EXOC1: variants seen among roughly 807,000 people sequenced by gnomAD.
EXOC1 encodes exocyst complex component 1.
A neutral mutation model predicts 107.7 loss-of-function variants in EXOC1; 67 were observed. The ratio of observed to expected loss-of-function variants is 0.62; its 90% CI spans 0.51 to 0.76. EXOC1 has a LOEUF of 0.76. Ranked by LOEUF, EXOC1 falls within the 30% of genes least tolerant of loss-of-function variation. EXOC1 has a pLI of 0.00. For missense variants in EXOC1, 833 were observed against 1,055.7 expected (o/e 0.79, Z 2.92); for synonymous variants, 348 against 353.5 (o/e 0.98, Z 0.17).
intron 10 of EXOC1, 153 bp from the exon 11 acceptor site, chr4:55,888,735 A>T: frequency 3.0e-6 from 2 of 674,820 alleles, no homozygotes; most frequent in Non-Finnish European, 5.1e-6. Context: ...GACCAACTAA[A>T]CATGTGTTTG....
chr4:55,902,259 A>T (rs1726037684), intron 17 of EXOC1, 85 bp from the exon 18 acceptor site: 2 of 1,079,384 alleles, frequency 1.9e-6, no homozygotes, highest in Admixed American at 4.0e-5. Flanking sequence ...CATGGTGATT[A>T]TACACTACTT....
At chr4:55,884,104 T>A (rs772088550) in intron 10 of EXOC1, among the ~76,000 whole-genome samples, 176 bp downstream of exon 10, 6 of 152,234 alleles carry the variant, frequency 3.9e-5, no homozygotes, top group Non-Finnish European at 8.8e-5. Flanking sequence ...TGTATATCTG[T>A]AAATTTTCTT....
At chr4:55,875,831 G>A in intron 8 of EXOC1, 1 of 973,106 alleles carries the variant, frequency 1.0e-6, no homozygotes, top group Non-Finnish European at 1.2e-6. Context: ...TTGGGAGGCT[G>A]AAGTGGGCCA....
intron 2 of EXOC1, 49 bp from the exon 3 acceptor site, chr4:55,860,362 G>T (rs567980652): frequency 3.1e-5 from 49 of 1,604,338 alleles, no homozygotes; most frequent in Admixed American, 8.4e-5. Flanking sequence ...AATGAAGAAT[G>T]AGTGAAAGGG....
chr4:55,893,721 C>T lies in EXOC1; in HGVS notation c.1894C>T (p.Leu632=), dbSNP rs1285391266. 2 of 1,613,982 alleles carry T rather than the reference C, an allele frequency of 1.2e-6. No individual in the cohort carries two copies. The highest frequency in any genetic ancestry group is 1.3e-5 in the African/African-American group (1 of 74,894). ...TAQNVDPASF[L]STTLGNVLVT... ...ACAAAATGTGGACCCTGCTTCTTTC[C>T]TAAGTACTACATTGGGAAATGTTTT... is the stretch of plus-strand genomic sequence containing the variant. The change falls in exon 15 of 19, where the codon CTA becomes TTA. Residue 632 remains leucine (L), a synonymous_variant. Coordinates refer to ENST00000381295, the MANE Select transcript of EXOC1 (RefSeq NM_001024924.2).
At chr4:55,880,920 A>G (rs543082780) in intron 9 of EXOC1, among the ~76,000 whole-genome samples, 1 of 152,312 alleles carries the variant, frequency 6.6e-6, no homozygotes, top group African/African-American at 2.4e-5. Flanking sequence ...AAGAGTTGTC[A>G]AAAACAGGAA....
chr4:55,884,036 T>C (rs570970523), intron 10 of EXOC1, 108 bp downstream of exon 10: 2 of 779,070 alleles, frequency 2.6e-6, no homozygotes, highest in African/African-American at 1.8e-5. Flanking sequence ...CAGCAGAATT[T>C]ATGAAAAAAG....
intron 9 of EXOC1, among the ~76,000 whole-genome samples, chr4:55,880,340 A>G (rs1723279822): frequency 6.6e-6 from 1 of 151,778 alleles, no homozygotes; most frequent in South Asian, 2.1e-4. Context: ...GTGCTTATAT[A>G]CTTCTTGTCT....
intron 10 of EXOC1, among the ~76,000 whole-genome samples, chr4:55,885,887 A>G (rs932628519): frequency 6.6e-6 from 1 of 152,174 alleles, no homozygotes; most frequent in African/African-American, 2.4e-5. Flanking sequence ...ATTTTTTTCA[A>G]AGATATCTTT....
chr4:55,864,778 A>G (rs1264114882), intron 4 of EXOC1, among the ~76,000 whole-genome samples: 1 of 152,210 alleles, frequency 6.6e-6, no homozygotes, highest in African/African-American at 2.4e-5. Flanking sequence ...ATAGTATTCC[A>G]TTATATGGAT....
intron 9 of EXOC1, among the ~76,000 whole-genome samples, chr4:55,879,118 A>T (rs1389470511): frequency 6.6e-6 from 1 of 152,178 alleles, no homozygotes; most frequent in South Asian, 2.1e-4. Flanking sequence ...ATTTATTCAT[A>T]TATTCAATCA....
Position 55,904,571 on chromosome 4 carries a change from T to C in EXOC1, c.*76T>C. The C allele has an allele frequency of 7.0e-7, 1 of 1,421,902 alleles. No homozygotes were observed. Among genetic ancestry groups the C allele is most frequent in the Non-Finnish European group, 9.4e-7 (1 of 1,065,250 alleles). 88.1% of individuals were successfully genotyped at this position (1,421,902 alleles called of 1,614,324 possible). ...ACACTATACCAAAATACCAAGCAAC[T>C]GTTTTGAGAACCCAGACTTAAAATT... On this transcript the variant is annotated 3_prime_UTR_variant, in exon 19 of 19. Coordinates refer to ENST00000381295, the MANE Select transcript of EXOC1 (RefSeq NM_001024924.2).
intron 9 of EXOC1, chr4:55,882,837 C>T (rs980058736): frequency 6.6e-6 from 1 of 151,988 alleles, no homozygotes; most frequent in Non-Finnish European, 1.5e-5. Flanking sequence ...GAAATTGAAG[C>T]TTAGATTTTA....
rs1425260892 is a variant in EXOC1, at chr4:55,878,001, C to T, written c.1159C>T (p.Arg387Ter). The T allele has an allele frequency of 8.1e-6, 13 of 1,613,594 alleles. No individual in the cohort carries two copies. Among genetic ancestry groups the T allele is most frequent in the Middle Eastern group, 1.6e-4 (1 of 6,078 alleles). Residue 387 changes from arginine (R) to a stop codon, truncating the protein, a stop_gained, in exon 9 of 19, where the codon CGA becomes TGA. Coordinates refer to ENST00000381295, the MANE Select transcript of EXOC1 (RefSeq NM_001024924.2). LOFTEE classifies it high-confidence loss of function. ...NHHPFHRDLL[R>*]YAKLMEWLKS... The stretch of plus-strand genomic sequence containing the variant: ...TCATCCATTTCATAGAGATTTGCTC[C>T]GATATGCCAAGCTGATGGAGTGGCT...
chr4:55,888,132 G>GT (rs1279123274), intron 10 of EXOC1, among the ~76,000 whole-genome samples: 2 of 152,138 alleles, frequency 1.3e-5, no homozygotes, highest in African/African-American at 4.8e-5. Context: ...AGTATAGACT[G>GT]TTTTTGCAAA....
Position 55,858,385 on chromosome 4 carries a change from T to C in EXOC1, c.62T>C (p.Leu21Pro), listed in dbSNP as rs1220861578. 6.2e-7 allele frequency: 1 copy of C among 1,611,438 alleles called. No individual in the cohort carries two copies. The change falls in exon 2 of 19, where the codon CTG becomes CCG. Residue 21 changes from leucine to proline, a missense_variant. Leu to Pro is a moderately conservative substitution (Grantham distance 98). Around this residue, in one of 2 missense-constraint regions of EXOC1, gnomAD observed 617 missense variants for 701.3 expected, o/e 0.88. Coordinates refer to ENST00000381295, the MANE Select transcript of EXOC1 (RefSeq NM_001024924.2). Reference protein sequence around the residue: ...DIFTPNDERLLSIVNVCKAGK... With the variant: ...DIFTPNDERLPSIVNVCKAGK... Reference sequence around the variant, plus strand: ...TTTACACCAAATGATGAACGCCTGCTGAGCATTGTGAATGTCTGCAAAGCA... The same window carrying C: ...TTTACACCAAATGATGAACGCCTGCCGAGCATTGTGAATGTCTGCAAAGCA...
intron 8 of EXOC1, chr4:55,877,083 C>T: frequency 1.0e-6 from 1 of 974,348 alleles, no homozygotes; most frequent in Non-Finnish European, 1.2e-6. Flanking sequence ...GTATATAGTA[C>T]AGTATATAAA....
chr4:55,876,339 G>A, intron 8 of EXOC1: 1 of 977,900 alleles, frequency 1.0e-6, no homozygotes, highest in Admixed American at 6.1e-5. Flanking sequence ...CCAGAATTCT[G>A]GGGGTCAGGA....
At position 55,868,453 on chromosome 4, in the gene EXOC1, G is replaced by A. The variant is rs200864049; in HGVS notation, c.533G>A (p.Cys178Tyr). The part of the protein sequence containing the change: ...EQDIEIMMEG[C>Y]EYAISNAEAF... Reference sequence around the variant, plus strand: ...GATATCGAAATAATGATGGAAGGCTGTGAATATGCAATCTCGAATGCGGAA... The same window carrying A: ...GATATCGAAATAATGATGGAAGGCTATGAATATGCAATCTCGAATGCGGAA... Residue 178 changes from cysteine (C) to tyrosine (Y), a missense_variant, in exon 5 of 19, where the codon TGT (cysteine) becomes TAT (tyrosine). Cys to Tyr is a radical substitution (Grantham distance 194). Coordinates refer to ENST00000381295, the MANE Select transcript of EXOC1 (RefSeq NM_001024924.2). 3.1e-6 allele frequency: 5 copies of A among 1,613,844 alleles called. No homozygotes were observed. In the East Asian group the frequency reaches 6.7e-5, roughly 22 times the overall value.
Sources: allele counts gnomAD v4.1 joint callset (sites outside exome capture counted in the v4.1 genomes callset), GRCh38; gene constraint gnomAD v4.1.1; regional missense constraint gnomAD v4.1.1; transcripts MANE v1.5; gene names NCBI Gene and HGNC (gene_info 2026-07-23, HGNC 2026-07-21).